Variants in ADPRHL1 observed in about 807,000 individuals in gnomAD.
The protein encoded by ADPRHL1 is inactive ADP-ribosyltransferase ARH2.
A neutral mutation model predicts 44.1 loss-of-function variants in ADPRHL1; 43 were observed. The ratio of observed to expected loss-of-function variants is 0.98; its 90% CI spans 0.76 to 1.26. The LOEUF (loss-of-function observed/expected upper bound fraction) is 1.26. ADPRHL1 is among the 50% of genes most tolerant of loss of function. The pLI is 0.00. For synonymous variants in ADPRHL1, 878 were observed against 1,017.4 expected, an observed-to-expected ratio of 0.86 and a Z score of 2.61; for missense variants, 2,022 against 2,496.9, an observed-to-expected ratio of 0.81 and a Z score of 4.05.
chr13:113,429,100 G>A lies in ADPRHL1; in HGVS notation c.506-8C>T. 6.3e-7 allele frequency: 1 copy of A among 1,586,576 alleles called. No homozygotes were observed. Among genetic ancestry groups the A allele is most frequent in the Non-Finnish European group, 8.6e-7 (1 of 1,165,770 alleles). ...ACAGGGAGCCCAGGAAGCCTGGAGGGCAGGGAAGAGAGAGGGGGCACCATC... is the reference window on the plus strand; with the variant it reads ...ACAGGGAGCCCAGGAAGCCTGGAGGACAGGGAAGAGAGAGGGGGCACCATC... On this transcript the variant is annotated splice_region_variant and splice_polypyrimidine_tract_variant and intron_variant, in intron 3 of 7. Coordinates refer to ENST00000612156, the MANE Select transcript of ADPRHL1 (RefSeq NM_001394807.1).
intron 3 of ADPRHL1, 21 bp from the exon 4 acceptor site, chr13:113,429,113 A>AG (rs386380796): frequency 6.2e-7 from 1 of 1,601,766 alleles, no homozygotes; most frequent in Admixed American, 1.7e-5. Context: ...GGGAAGAGAG[A>AG]GGGGGCACCA....
chr13:113,417,959 T>C (rs1330722953), intron 7 of ADPRHL1, among the ~76,000 whole-genome samples: 2 of 152,212 alleles, frequency 1.3e-5, no homozygotes, highest in East Asian at 3.8e-4. Context: ...TCAGCTGATA[T>C]TTTATTAATT....
chr13:113,432,314 C>T (rs192222458), intron 3 of ADPRHL1, among the ~76,000 whole-genome samples: 98 of 152,118 alleles, frequency 6.4e-4, no homozygotes, highest in African/African-American at 2.0e-3. Context: ...GGAGTCTCCC[C>T]GTGTTGCCCA....
Position 113,404,939 on chromosome 13 carries a change from CCCT to C in ADPRHL1, c.4340_4342del (p.Gln1447_Gly1448delinsArg), listed in dbSNP as rs2043795596. On this transcript the variant is annotated inframe_deletion, in exon 8 of 8. Transcript: ENST00000612156. ...GCTCCGCCCCCGCTCCTCCCAGGGTCCCTGCAGATGCTGCTGACCTTGGTCACT... is the reference window on the plus strand; with the variant it reads ...GCTCCGCCCCCGCTCCTCCCAGGGTCGCAGATGCTGCTGACCTTGGTCACT... The C allele has an allele frequency of 2.4e-6, 3 of 1,241,622 alleles. No individual in the cohort carries two copies. The highest frequency in any genetic ancestry group is 3.1e-5 in the African/African-American group (2 of 64,618). 76.9% of individuals were successfully genotyped at this position (1,241,622 alleles called of 1,614,324 possible).
chr13:113,410,254 G>A (rs1474478052), intron 7 of ADPRHL1, among the ~76,000 whole-genome samples: 3 of 152,120 alleles, frequency 2.0e-5, no homozygotes, highest in African/African-American at 4.8e-5. Context: ...AGAGTGTGCC[G>A]TTCGCCCCCA....
chr13:113,422,541 C>T, intron 7 of ADPRHL1: 1 of 436,552 alleles, frequency 2.3e-6, no homozygotes, highest in South Asian at 2.8e-5. Flanking sequence ...AGCGCCTGTC[C>T]AGGAGACTGC....
At position 113,405,107 on chromosome 13, in the gene ADPRHL1, G is replaced by A; in HGVS notation, c.4175C>T (p.Pro1392Leu). The A allele has an allele frequency of 8.1e-7, 1 of 1,232,232 alleles. No individual in the cohort carries two copies. The highest frequency in any genetic ancestry group is 1.0e-6 in the Non-Finnish European group (1 of 988,342). 76.3% of individuals were successfully genotyped at this position (1,232,232 alleles called of 1,614,324 possible). ...CGCCACCCTCTTCCCCGCATCCCCG[G>A]GCTGGGGGGTCTCCTCCTGTGCCTG... ...SHQAQEETPQ[P>L]GDAGKRVAPS... The change falls in exon 8 of 8, where the codon CCC becomes CTC. Residue 1392 changes from proline (P) to leucine (L), a missense_variant. This residue lies in a region of ADPRHL1 where 1,221 missense variants were observed against 1,517.8 expected (regional missense o/e 0.80). Transcript: ENST00000612156.
chr13:113,421,302 TCCCGGGACACGCCCACCCC>T (rs2043919868), intron 7 of ADPRHL1, among the ~76,000 whole-genome samples: 1 of 5,354 alleles, frequency 1.9e-4, no homozygotes, highest in Non-Finnish European at 3.5e-4. Flanking sequence ...ACACGCCCAC[TCCCGGGACACGCCCACCCC>T]GGGACACGCC....
chr13:113,450,886 C>CA (rs1262735210), intron 1 of ADPRHL1, among the ~76,000 whole-genome samples: 9 of 152,044 alleles, frequency 5.9e-5, no homozygotes, highest in Non-Finnish European at 1.3e-4. Context: ...GCGAGCCTGA[C>CA]TCATGTCAGG....
intron 1 of ADPRHL1, 118 bp from the exon 2 acceptor site, chr13:113,444,707 C>A: frequency 7.8e-7 from 1 of 1,278,260 alleles, no homozygotes. Flanking sequence ...ACTGCAAACT[C>A]TGCCTCCCGG....
At chr13:113,451,336 T>A (rs1038337194) in intron 1 of ADPRHL1, among the ~76,000 whole-genome samples, 2 of 152,250 alleles carry the variant, frequency 1.3e-5, no homozygotes, top group Non-Finnish European at 2.9e-5. Flanking sequence ...GAACAGCTCG[T>A]GTCCTCTGTC....
chr13:113,414,539 G>A (rs2043877623), intron 7 of ADPRHL1, among the ~76,000 whole-genome samples: 1 of 151,954 alleles, frequency 6.6e-6, no homozygotes, highest in Non-Finnish European at 1.5e-5. Flanking sequence ...CTGTCTGGGG[G>A]CACACATCCT....
chr13:113,453,223 C>T lies in ADPRHL1; in HGVS notation c.214+1G>A, dbSNP rs2044189371. On this transcript the variant is annotated splice_donor_variant, in intron 1 of 7. Transcript: ENST00000612156. LOFTEE classifies it high-confidence loss of function. This position sits in a 1 kb window ranked among gnomAD's most constrained non-coding sequence, Gnocchi z 5.4. The stretch of plus-strand genomic sequence containing the variant: ...ACCGGAGCGCGGTGGGCCCAGCCTA[C>T]CTGTGGTGAGGGCCTCGGCGGTTGC... 7 of 1,613,940 alleles carry T rather than the reference C, an allele frequency of 4.3e-6. No homozygotes were observed. Among genetic ancestry groups the T allele is most frequent in the South Asian group, 1.1e-5 (1 of 91,064 alleles).
At chr13:113,412,544 C>T (rs1246425113) in intron 7 of ADPRHL1, among the ~76,000 whole-genome samples, 1 of 152,252 alleles carries the variant, frequency 6.6e-6, no homozygotes, top group East Asian at 1.9e-4. Context: ...CTGCCCAGCT[C>T]CCCACTAGAG....
chr13:113,424,787 T>G (rs1341823979), intron 5 of ADPRHL1, among the ~76,000 whole-genome samples: 12 of 25,890 alleles, frequency 4.6e-4, no homozygotes, highest in African/African-American at 1.8e-3. Context: ...CAACCACCCA[T>G]CCATATACCC....
Position 113,408,219 on chromosome 13 carries a change from G to C in ADPRHL1, c.1063C>G (p.Arg355Gly), listed in dbSNP as rs891918632. 4.6e-5 allele frequency: 57 copies of C among 1,231,858 alleles called. No homozygotes were observed. The highest frequency in any genetic ancestry group is 5.7e-5 in the Non-Finnish European group (56 of 987,990). The allele number at this position is 1,231,858 out of a possible 1,614,324, so 76.3% of individuals were successfully genotyped here. The change falls in exon 8 of 8, where the codon CGG (arginine) becomes GGG (glycine). Residue 355 changes from arginine to glycine, a missense_variant and splice_region_variant. By Grantham distance (125) the Arg-to-Gly change is moderately radical. Coordinates refer to ENST00000612156, the MANE Select transcript of ADPRHL1 (RefSeq NM_001394807.1). ...ALYRLSTEEN[R>G]KSSKTCSDVM... is the part of the protein sequence containing the mutation. The stretch of plus-strand genomic sequence containing the variant: ...TCACTGCAGGTCTTGCTGCTCTTCC[G>C]GCTGCAGAGAAAAAGGAATCATCAC...
chr13:113,434,473 C>A (rs548646124), intron 2 of ADPRHL1, among the ~76,000 whole-genome samples: 1 of 146,306 alleles, frequency 6.8e-6, no homozygotes, highest in South Asian at 2.1e-4. Context: ...TGACCCAGCA[C>A]CCACACGTAG....
chr13:113,412,181 A>C (rs1197174801), intron 7 of ADPRHL1, among the ~76,000 whole-genome samples: 1 of 151,858 alleles, frequency 6.6e-6, no homozygotes, highest in Non-Finnish European at 1.5e-5. Flanking sequence ...CAGCACTATA[A>C]TTTGCTTTTT....
At position 113,453,292 on chromosome 13, in the gene ADPRHL1, G is replaced by C. The variant is rs546248843; in HGVS notation, c.146C>G (p.Ser49Trp). ...GTCACTCACGGGCCATTCTCCTGGC[G>C]AGAGTACGAGGTGGTCCAGGCCCCC... ...RSGGLDHLVLSPGEWPVSDNT... is the reference protein window; with the variant it reads ...RSGGLDHLVLWPGEWPVSDNT... Residue 49 changes from serine (S) to tryptophan (W), a missense_variant, in exon 1 of 8, where the codon TCG (serine) becomes TGG (tryptophan). By Grantham distance (177) the Ser-to-Trp change is radical. This residue lies in a region of ADPRHL1 where 437 missense variants were observed against 430.7 expected (regional missense o/e 1.01). Coordinates refer to ENST00000612156, the MANE Select transcript of ADPRHL1 (RefSeq NM_001394807.1). The surrounding 1 kb of genome is among the most constrained non-coding windows in gnomAD (Gnocchi z 5.4). The C allele has an allele frequency of 6.2e-7, 1 of 1,614,184 alleles. No homozygotes were observed.
Sources: gnomAD v4.1 joint callset for allele counts (sites outside exome capture counted in the v4.1 genomes callset) on GRCh38, gnomAD v4.1.1 for gene constraint, gnomAD v4.1.1 regional missense constraint, Gnocchi (gnomAD v3.1) non-coding constraint, MANE v1.5 for transcripts, NCBI Gene and HGNC (gene_info 2026-07-23, HGNC 2026-07-21) for gene names.